PTK2: variants seen among roughly 807,000 people sequenced by gnomAD.
PTK2 encodes focal adhesion kinase 1.
PTK2 carries 45 observed loss-of-function variants against 150.1 expected under a neutral mutation model. The ratio of observed to expected loss-of-function variants is 0.30; its 90% CI spans 0.24 to 0.38. The LOEUF is 0.38. Ranked by LOEUF, PTK2 falls within the 10% of genes least tolerant of loss-of-function variation. The pLI, the probability that PTK2 is intolerant of heterozygous loss-of-function variation, is 1.00. For synonymous variants in PTK2, 432 were observed against 449.2 expected (o/e 0.96, Z 0.48); for missense variants, 919 against 1,307.3 (o/e 0.70, Z 4.58).
At chr8:140,674,259 C>T in intron 29 of PTK2, 39 bp downstream of exon 32, 1 of 1,547,242 alleles carries the variant, frequency 6.5e-7, no homozygotes, top group Non-Finnish European at 8.9e-7. Context: ...CACCACAAAT[C>T]CTGCAAGCAG....
At chr8:140,802,247 C>G (rs1183291475) in intron 11 of PTK2, among the ~76,000 whole-genome samples, 1 of 152,046 alleles carries the variant, frequency 6.6e-6, no homozygotes, top group African/African-American at 2.4e-5. Context: ...GATATGGATA[C>G]TCTTGACCCT....
intron 2 of PTK2, among the ~76,000 whole-genome samples, chr8:140,905,133 T>A (rs775977346): frequency 1.2e-4 from 19 of 152,206 alleles, no homozygotes; most frequent in Non-Finnish European, 2.5e-4. Context: ...GGACATTTAG[T>A]GCTATAAATT....
At chr8:140,805,321 T>G (rs1044751393) in intron 10 of PTK2, among the ~76,000 whole-genome samples, 2 of 151,988 alleles carry the variant, frequency 1.3e-5, no homozygotes, top group East Asian at 1.9e-4. Flanking sequence ...TGCACTTTGG[T>G]AGGATGAGGC....
chr8:140,662,786 C>T, intron 31 of PTK2: 1 of 532,082 alleles, frequency 1.9e-6, no homozygotes, highest in East Asian at 3.0e-5. Flanking sequence ...TGTTGTATTC[C>T]TGACTGGAGA....
intron 2 of PTK2, among the ~76,000 whole-genome samples, chr8:140,891,446 T>C (rs1175505639): frequency 6.6e-6 from 1 of 151,994 alleles, no homozygotes; most frequent in Non-Finnish European, 1.5e-5. Flanking sequence ...TCTTTTTAAC[T>C]CAAACAATGT....
At chr8:140,671,900 C>G (rs995128278) in intron 29 of PTK2, among the ~76,000 whole-genome samples, 1 of 144,296 alleles carries the variant, frequency 6.9e-6, no homozygotes, top group Admixed American at 7.3e-5. Flanking sequence ...CCACTGCACT[C>G]CAGCCTGGGC....
intron 8 of PTK2, among the ~76,000 whole-genome samples, chr8:140,820,336 A>G (rs2100107725): frequency 6.6e-6 from 1 of 151,344 alleles, no homozygotes. Flanking sequence ...CCTGACCTCA[A>G]GAGATCCACC....
At chr8:140,869,254 A>G (rs931972162) in intron 4 of PTK2, among the ~76,000 whole-genome samples, 22 of 152,248 alleles carry the variant, frequency 1.4e-4, no homozygotes, top group African/African-American at 5.1e-4. Context: ...CGCATCTGCA[A>G]GTCAACTAAC....
At chr8:140,818,795 T>G in intron 9 of PTK2, 85 bp downstream of exon 9, 1 of 1,428,088 alleles carries the variant, frequency 7.0e-7, no homozygotes. Context: ...GTTAGCATTT[T>G]TTCATCAGAA....
intron 27 of PTK2, among the ~76,000 whole-genome samples, chr8:140,685,450 C>A (rs908970364): frequency 1.3e-5 from 2 of 152,162 alleles, no homozygotes; most frequent in Non-Finnish European, 2.9e-5. Context: ...GCAGAATAAA[C>A]AACTCACAGA....
intron 1 of PTK2, among the ~76,000 whole-genome samples, chr8:140,957,612 C>T (rs1004401242): frequency 3.9e-5 from 6 of 152,150 alleles, no homozygotes; most frequent in African/African-American, 7.2e-5. Context: ...CCCAGAGCAG[C>T]GTTCAGTCCT....
At chr8:140,786,166 A>C (rs1454942590) in intron 14 of PTK2, among the ~76,000 whole-genome samples, 1 of 152,184 alleles carries the variant, frequency 6.6e-6, no homozygotes, top group Non-Finnish European at 1.5e-5. Context: ...AGGTCTCTTC[A>C]ATCCCGCAGG....
At chr8:140,752,408 T>C in intron 16 of PTK2, 92 bp from the exon 20 acceptor site, 1 of 1,127,540 alleles carries the variant, frequency 8.9e-7, no homozygotes, top group South Asian at 1.3e-5. Context: ...TGCAACTATG[T>C]GGGTTATGGA....
intron 1 of PTK2, among the ~76,000 whole-genome samples, chr8:140,989,684 G>A (rs1451048944): frequency 1.3e-5 from 2 of 151,998 alleles, no homozygotes; most frequent in Admixed American, 6.6e-5. Flanking sequence ...CGAGGCGGGC[G>A]GATCACCTAA....
chr8:140,687,499 A>T (rs1258563744), intron 26 of PTK2, among the ~76,000 whole-genome samples: 3 of 152,176 alleles, frequency 2.0e-5, no homozygotes, highest in African/African-American at 7.2e-5. Flanking sequence ...TATCAGGCAT[A>T]ATTACTTCCC....
At chr8:140,710,456 G>A (rs1251553848) in intron 23 of PTK2, among the ~76,000 whole-genome samples, 2 of 151,852 alleles carry the variant, frequency 1.3e-5, no homozygotes, top group African/African-American at 2.4e-5. Flanking sequence ...ATCACCTGAG[G>A]TCAGGAGTTT....
chr8:140,778,229 A>T (rs2100079537), intron 14 of PTK2, among the ~76,000 whole-genome samples: 1 of 152,214 alleles, frequency 6.6e-6, no homozygotes, highest in Non-Finnish European at 1.5e-5. Context: ...GCACTTTGGG[A>T]GGCTGAGGCA....
chr8:140,818,295 T>G, exon 10 of PTK2: 1 of 1,613,922 alleles, frequency 6.2e-7, no homozygotes, highest in Non-Finnish European at 8.5e-7. Flanking sequence ...CCTTGTCCGT[T>G]AGGTAACTGA....
At chr8:140,710,199 T>G (rs1195834003) in intron 23 of PTK2, among the ~76,000 whole-genome samples, 1 of 151,590 alleles carries the variant, frequency 6.6e-6, no homozygotes, top group East Asian at 1.9e-4. Flanking sequence ...CAATGGTGGC[T>G]TGCACCTATA....
Sources: gnomAD v4.1 joint callset for allele counts (sites outside exome capture counted in the v4.1 genomes callset) on GRCh38, gnomAD v4.1.1 for gene constraint, MANE v1.5 for transcripts, NCBI Gene and HGNC (gene_info 2026-07-23, HGNC 2026-07-21) for gene names.